Variants in PRKD2 observed in about 807,000 individuals in gnomAD.
The protein encoded by PRKD2 is serine/threonine-protein kinase D2.
A neutral mutation model predicts 86.0 loss-of-function variants in PRKD2; 22 were observed. That is an observed-to-expected ratio of 0.26 (90% CI 0.18 to 0.37). The LOEUF is 0.37. Among genes scored for constraint, PRKD2 ranks in the 10% least tolerant of loss-of-function variants. The probability of loss-of-function intolerance (pLI) is 1.00; values close to 1 mark genes in which losing one functional copy is unlikely to be tolerated. For missense variants in PRKD2, 818 were observed against 1,199.2 expected (o/e 0.68, Z 4.70); for synonymous variants, 509 against 510.9 (o/e 1.00, Z 0.05).
intron 7 of PRKD2, among the ~76,000 whole-genome samples, chr19:46,700,419 A>G (rs2053619385): frequency 6.6e-6 from 1 of 151,358 alleles, no homozygotes; most frequent in African/African-American, 2.4e-5. Flanking sequence ...TGAGCTCAGG[A>G]GTCAGGAGTT....
At chr19:46,688,553 C>T (rs1050305934) in intron 14 of PRKD2, among the ~76,000 whole-genome samples, 7 of 151,462 alleles carry the variant, frequency 4.6e-5, no homozygotes, top group African/African-American at 1.7e-4. Context: ...TCTCCTGCCT[C>T]AGCCTCCCAA....
chr19:46,687,555 C>G (rs750447618), intron 14 of PRKD2, among the ~76,000 whole-genome samples: 7 of 152,130 alleles, frequency 4.6e-5, no homozygotes, highest in Non-Finnish European at 8.8e-5. Flanking sequence ...GTTTCTTCAA[C>G]CATAAAAGGG....
chr19:46,678,612 G>T lies in PRKD2; in HGVS notation c.2122C>A (p.Arg708Ser). ...GCCGGCGTGCCCACCACTGAGCGGC[G>T]GAACGACTTCTCGCCGATGATGCGA... ...FARIIGEKSFRRSVVGTPAYL... is the reference protein window; with the variant it reads ...FARIIGEKSFSRSVVGTPAYL... Residue 708 changes from arginine to serine, a missense_variant, in exon 16 of 18, where the codon CGC (arginine) becomes AGC (serine). Arg to Ser is a moderately radical substitution (Grantham distance 110). Transcript: ENST00000291281. This position sits in a 1 kb window ranked among gnomAD's most constrained non-coding sequence, Gnocchi z 5.7. 1 of 1,612,236 alleles carries T rather than the reference G, an allele frequency of 6.2e-7. No individual in the cohort carries two copies.
chr19:46,696,300 T>C (rs960658672), intron 9 of PRKD2, among the ~76,000 whole-genome samples: 3 of 151,986 alleles, frequency 2.0e-5, no homozygotes, highest in African/African-American at 7.2e-5. Context: ...ACGGTTTTAA[T>C]GAAGACTCCC....
rs543600789 is a variant in PRKD2, at chr19:46,697,987, C to G, written c.1122-137G>C. 3.6e-4 allele frequency: 246 copies of G among 687,740 alleles called. 4 individuals carry two copies. In the South Asian group the frequency reaches 4.1e-3, roughly 12 times the overall value. The allele number at this position is 687,740 out of a possible 1,614,324, so 42.6% of individuals were successfully genotyped here. A position where few individuals can be genotyped will look rare whatever the true frequency, so the allele number is the denominator to read the frequency against. ...TTTGGTTTGTTTTGACATTTTCCCC[C>G]CAACACACACCCGGGAGTTGCTTTT... On this transcript the variant is annotated intron_variant, in intron 7 of 17. Transcript: ENST00000291281.
At position 46,694,041 on chromosome 19, in the gene PRKD2, G is replaced by A. The variant is rs1248215756; in HGVS notation, c.1410C>T (p.Val470=). 11 of 1,614,080 alleles carry A rather than the reference G, an allele frequency of 6.8e-6. No individual in the cohort carries two copies. Among genetic ancestry groups the A allele is most frequent in the Admixed American group, 6.7e-5 (4 of 60,012 alleles). The change falls in exon 10 of 18, where the codon GTC becomes GTT. Residue 470 remains valine (V), a synonymous_variant. Transcript: ENST00000291281. The part of the protein sequence containing the change: ...PGTNPHCFEI[V]TANATYFVGE... Reference sequence around the variant, plus strand: ...CCACGAAGTAGGTGGCATTGGCAGTGACGATCTCAAAGCAGTGTGGGTTGG... The same window carrying A: ...CCACGAAGTAGGTGGCATTGGCAGTAACGATCTCAAAGCAGTGTGGGTTGG...
intron 3 of PRKD2, 177 bp downstream of exon 3, chr19:46,710,730 C>T: frequency 1.3e-6 from 1 of 778,384 alleles, no homozygotes; most frequent in East Asian, 2.8e-5. Context: ...CCCCACCACT[C>T]CTTCCCCAAG....
chr19:46,714,491 G>GGGCA (rs2053857492), intron 1 of PRKD2: 1 of 140,282 alleles, frequency 7.1e-6, no homozygotes, highest in Admixed American at 7.1e-5. Flanking sequence ...GGGGGGGGCC[G>GGGCA]GGGGACTTGG....
chr19:46,676,372 C>T (rs2122535745), intron 16 of PRKD2, among the ~76,000 whole-genome samples: 1 of 152,276 alleles, frequency 6.6e-6, no homozygotes, highest in South Asian at 2.1e-4. Flanking sequence ...TTGCAGTGAG[C>T]CAAGATCGTG....
chr19:46,711,081 C>A (rs1599843099), intron 2 of PRKD2, 43 bp from the exon 3 acceptor site: 2 of 1,540,244 alleles, frequency 1.3e-6, no homozygotes, highest in Non-Finnish European at 1.8e-6. Context: ...GCGGGGTAGG[C>A]CAAAGCTTTT....
At chr19:46,715,852 G>A (rs2053874011) in intron 1 of PRKD2, among the ~76,000 whole-genome samples, 1 of 151,950 alleles carries the variant, frequency 6.6e-6, no homozygotes, top group Non-Finnish European at 1.5e-5. Context: ...TCTACACCTG[G>A]CTGGCCCCTC....
At chr19:46,694,653 A>G (rs1471066957) in intron 9 of PRKD2, among the ~76,000 whole-genome samples, 1 of 152,192 alleles carries the variant, frequency 6.6e-6, no homozygotes, top group Non-Finnish European at 1.5e-5. Flanking sequence ...AGAGACCAGA[A>G]AGGTAAGAAG....
rs186255012 is a variant in PRKD2 at position 46,682,296 on chromosome 19, G to A, written c.1972-548C>T. Reference sequence around the variant, plus strand: ...GCTGGGATTACAGGCGTGAGCCACCGGGCCCAGACTTGCTCTGATAATTTT... The same window carrying A: ...GCTGGGATTACAGGCGTGAGCCACCAGGCCCAGACTTGCTCTGATAATTTT... On this transcript the variant is annotated intron_variant, in intron 14 of 17. Transcript: ENST00000291281. Among the ~76,000 whole-genome samples the A allele has an allele frequency of 2.9e-4, 44 of 151,832 alleles. 1 individual carries two copies. Among genetic ancestry groups the A allele is most frequent in the Admixed American group, 2.6e-3 (39 of 15,256 alleles).
In PRKD2 at chr19:46,696,595, TA is replaced by T. The variant is rs529806350; in HGVS notation, c.1317+561del. Among the ~76,000 whole-genome samples the T allele has an allele frequency of 2.7e-3, 414 of 152,060 alleles. 2 individuals carry two copies. Among genetic ancestry groups the T allele is most frequent in the African/African-American group, 8.5e-3 (354 of 41,492 alleles). On this transcript the variant is annotated intron_variant, in intron 9 of 17. Coordinates refer to ENST00000291281, the MANE Select transcript of PRKD2 (RefSeq NM_016457.5). ...CAACATGGTGAAACCCCGTCTCTAC[TA>T]AAAATACAAAAATTAGCTGGGTGTG...
In PRKD2 at chr19:46,704,166, A is replaced by C. The variant is rs766656288; in HGVS notation, c.889+3T>G. The C allele has an allele frequency of 6.2e-7, 1 of 1,613,788 alleles. No individual in the cohort carries two copies. Among genetic ancestry groups the C allele is most frequent in the East Asian group, 2.2e-5 (1 of 44,882 alleles). ...TCTGTCCTCCCCGACAGGCCCAGCT[A>C]ACCTTTGCATTGCAGGCCCTGCCGG... On this transcript the variant is annotated splice_donor_region_variant and intron_variant, in intron 5 of 17. Transcript: ENST00000291281.
At chr19:46,697,306 T>G in intron 8 of PRKD2, 72 bp from the exon 9 acceptor site, 1 of 1,207,036 alleles carries the variant, frequency 8.3e-7, no homozygotes, top group Non-Finnish European at 1.2e-6. Flanking sequence ...TGGAGCTGCT[T>G]GGGGCTCCAG....
Position 46,674,635 on chromosome 19 carries a change from GCTGCAAACTGCT to G in PRKD2, c.2513_2524del (p.Glu838_Ala841del), listed in dbSNP as rs760136257. 1 of 1,608,150 alleles carries G rather than the reference GCTGCAAACTGCT, an allele frequency of 6.2e-7. No homozygotes were observed. The highest frequency in any genetic ancestry group is 8.5e-7 in the Non-Finnish European group (1 of 1,179,926). ...CCCAGACCCAGGCAGCGGATGCTCT[GCTGCAAACTGCT>G]CCCAGCGCGCGTCGTCACTCTCATG... On this transcript the variant is annotated inframe_deletion, in exon 18 of 18. Transcript: ENST00000291281.
intron 12 of PRKD2, among the ~76,000 whole-genome samples, chr19:46,691,367 G>A (rs1181613199): frequency 1.3e-5 from 2 of 151,834 alleles, no homozygotes; most frequent in Non-Finnish European, 2.9e-5. Flanking sequence ...CAGAATCTAC[G>A]AACTAGTTCT....
chr19:46,688,456 G>C (rs1289081407), intron 14 of PRKD2, among the ~76,000 whole-genome samples: 2 of 136,304 alleles, frequency 1.5e-5, no homozygotes, highest in African/African-American at 2.8e-5. Flanking sequence ...TTTTTTTTGA[G>C]ACGAAGTTTC....
Sources: gnomAD v4.1 joint callset for allele counts (sites outside exome capture counted in the v4.1 genomes callset) on GRCh38, gnomAD v4.1.1 for gene constraint, Gnocchi (gnomAD v3.1) non-coding constraint, MANE v1.5 for transcripts, NCBI Gene and HGNC (gene_info 2026-07-23, HGNC 2026-07-21) for gene names.